The following PNLIPRP3 variants were observed in gnomAD, a reference collection of about 807,000 sequenced individuals.
PNLIPRP3 encodes pancreatic lipase related protein 3, also known as pancreatic lipase-related protein 3.
A neutral mutation model predicts 52.8 loss-of-function variants in PNLIPRP3; 58 were observed. That is an observed-to-expected ratio of 1.10 (90% CI 0.89 to 1.37). The LOEUF (loss-of-function observed/expected upper bound fraction) is 1.37, where lower values mean the gene tolerates loss of function less well. Among genes scored for constraint, PNLIPRP3 ranks in the 40% most tolerant of loss-of-function variants. PNLIPRP3 has a pLI of 0.00. For synonymous variants in PNLIPRP3, 192 were observed against 185.0 expected, an observed-to-expected ratio of 1.04 and a Z score of -0.31; for missense variants, 593 against 561.6, an observed-to-expected ratio of 1.06 and a Z score of -0.57.
chr10:116,449,038 T>G (rs985930570), intron 4 of PNLIPRP3, among the ~76,000 whole-genome samples: 6 of 118,786 alleles, frequency 5.1e-5, no homozygotes, highest in African/African-American at 1.9e-4. Flanking sequence ...AAAAAAAAAT[T>G]TCTAATTAGC....
chr10:116,465,992 G>A, intron 7 of PNLIPRP3, 58 bp from the exon 8 acceptor site: 1 of 1,261,054 alleles, frequency 7.9e-7, no homozygotes, highest in Non-Finnish European at 1.2e-6. Flanking sequence ...CTAAGATATG[G>A]TTTATGCTAC....
chr10:116,460,025 G>A (rs7075368), intron 5 of PNLIPRP3, among the ~76,000 whole-genome samples: 3,494 of 152,142 alleles, frequency 0.023, 129 homozygotes, highest in African/African-American at 0.08. Flanking sequence ...CTCGGCCTCC[G>A]AGGGTGCTGG....
chr10:116,444,612 C>A, intron 4 of PNLIPRP3, 99 bp downstream of exon 4: 1 of 1,207,044 alleles, frequency 8.3e-7, no homozygotes, highest in Non-Finnish European at 1.2e-6. Flanking sequence ...TTAGCTTAGA[C>A]AGGTACTGAA....
At chr10:116,439,374 C>A (rs1412927559) in intron 2 of PNLIPRP3, 2 of 505,506 alleles carry the variant, frequency 4.0e-6, no homozygotes, top group Admixed American at 5.3e-5. Flanking sequence ...ATGAGGGCAA[C>A]AGACACTTCT....
chr10:116,431,919 C>G (rs969680638), intron 1 of PNLIPRP3, among the ~76,000 whole-genome samples: 2 of 152,076 alleles, frequency 1.3e-5, no homozygotes, highest in Non-Finnish European at 2.9e-5. Context: ...GCTCCTCTCC[C>G]CCCCAGGTCT....
chr10:116,456,896 C>T (rs1846124324), intron 5 of PNLIPRP3, among the ~76,000 whole-genome samples: 2 of 152,188 alleles, frequency 1.3e-5, no homozygotes, highest in Non-Finnish European at 2.9e-5. Context: ...GGCCTTGGTC[C>T]CCGCTGGTGC....
chr10:116,461,314 T>C, intron 7 of PNLIPRP3, 24 bp downstream of exon 7: 1 of 1,603,652 alleles, frequency 6.2e-7, no homozygotes, highest in South Asian at 1.1e-5. Flanking sequence ...AAACTATGAA[T>C]GCTACTGATG....
In PNLIPRP3 at chr10:116,443,083, T is replaced by C; in HGVS notation, c.233T>C (p.Ile78Thr). The C allele has an allele frequency of 1.2e-6, 2 of 1,607,066 alleles. No homozygotes were observed. The highest frequency in any genetic ancestry group is 1.7e-5 in the Admixed American group (1 of 59,790). ...QEISAVNSSTIQASYFGTDKI... is the reference protein window; with the variant it reads ...QEISAVNSSTTQASYFGTDKI... ...ATCAGTGCGGTTAATTCTTCAACTA[T>C]CCAAGCCTCATATTTTGGAACAGAC... Residue 78 changes from isoleucine to threonine, a missense_variant, in exon 3 of 12, where the codon ATC becomes ACC. By Grantham distance (89) the Ile-to-Thr change is moderately conservative. Transcript: ENST00000369230.
intron 4 of PNLIPRP3, among the ~76,000 whole-genome samples, chr10:116,450,341 G>T (rs112741214): frequency 1.3e-5 from 2 of 151,970 alleles, no homozygotes; most frequent in African/African-American, 4.8e-5. Flanking sequence ...TTTATGTGTG[G>T]CCCAAGACAA....
intron 2 of PNLIPRP3, among the ~76,000 whole-genome samples, chr10:116,441,498 A>G (rs1186959570): frequency 6.6e-6 from 1 of 152,178 alleles, no homozygotes; most frequent in Non-Finnish European, 1.5e-5. Context: ...AGTTGAAATG[A>G]GTGAGCACCT....
chr10:116,464,703 G>T (rs191908342), intron 7 of PNLIPRP3, among the ~76,000 whole-genome samples: 1 of 152,236 alleles, frequency 6.6e-6, no homozygotes, highest in Non-Finnish European at 1.5e-5. Context: ...AGCCCCAAAG[G>T]GGGTGTTACA....
intron 11 of PNLIPRP3, 28 bp from the exon 12 acceptor site, chr10:116,477,061 TC>T (rs1225672337): frequency 2.6e-6 from 4 of 1,527,048 alleles, no homozygotes; most frequent in Non-Finnish European, 3.6e-6. Context: ...AGGTTAAAAT[TC>T]CTTTTTTTTT....
chr10:116,441,044 T>C (rs952199686), intron 2 of PNLIPRP3, among the ~76,000 whole-genome samples: 22 of 152,206 alleles, frequency 1.4e-4, no homozygotes, highest in African/African-American at 5.3e-4. Context: ...AATATTGACA[T>C]CATTTCCTCG....
chr10:116,437,927 T>C (rs910065539), intron 2 of PNLIPRP3, among the ~76,000 whole-genome samples: 3 of 152,138 alleles, frequency 2.0e-5, no homozygotes, highest in Non-Finnish European at 4.4e-5. Flanking sequence ...CAATGTTAAA[T>C]AGAAAGCTAT....
intron 8 of PNLIPRP3, among the ~76,000 whole-genome samples, chr10:116,468,911 A>G (rs1846321938): frequency 6.6e-6 from 1 of 152,198 alleles, no homozygotes; most frequent in African/African-American, 2.4e-5. Flanking sequence ...AAGACTGAAC[A>G]TCTTGCATAG....
intron 5 of PNLIPRP3, 107 bp from the exon 6 acceptor site, chr10:116,460,859 T>C: frequency 2.1e-6 from 3 of 1,444,948 alleles, no homozygotes; most frequent in Non-Finnish European, 2.8e-6. Flanking sequence ...TTTTCCTGAG[T>C]GATCTTTGAT....
Position 116,471,768 on chromosome 10 carries a change from G to C in PNLIPRP3, c.1061G>C (p.Arg354Pro). The C allele has an allele frequency of 6.3e-7, 1 of 1,596,492 alleles. No homozygotes were observed. Among genetic ancestry groups the C allele is most frequent in the Non-Finnish European group, 8.6e-7 (1 of 1,165,362 alleles). ...TTCCTTCTTGTTTCCTTATATCTAG[G>C]TTGGAGGCACAAATTGTCTGTTAAA... ...LNTGSLSPFA[R>P]WRHKLSVKLS... The change falls in exon 10 of 12, where the codon CGT becomes CCT. Residue 354 changes from arginine to proline, a missense_variant and splice_region_variant. Physicochemically the swap from Arg to Pro is moderately radical, Grantham distance 103. Coordinates refer to ENST00000369230, the MANE Select transcript of PNLIPRP3 (RefSeq NM_001011709.3).
chr10:116,475,421 T>TA (rs1032087524), intron 10 of PNLIPRP3, among the ~76,000 whole-genome samples: 1 of 151,932 alleles, frequency 6.6e-6, no homozygotes, highest in African/African-American at 2.4e-5. Context: ...TGACCTTGTT[T>TA]AAAAAAAATG....
chr10:116,439,759 G>A (rs1009613518), intron 2 of PNLIPRP3: 12 of 769,986 alleles, frequency 1.6e-5, no homozygotes, highest in African/African-American at 6.8e-5. Flanking sequence ...GAATCCAGAC[G>A]GTGGCCTTTT....
Sources: gnomAD v4.1 joint callset for allele counts (sites outside exome capture counted in the v4.1 genomes callset) on GRCh38, gnomAD v4.1.1 for gene constraint, MANE v1.5 for transcripts, NCBI Gene and HGNC (gene_info 2026-07-23, HGNC 2026-07-21) for gene names.